SPG11: variants seen among roughly 807,000 people sequenced by gnomAD.
SPG11 encodes the protein SPG11 vesicle trafficking associated, spatacsin, also known as spatacsin.
SPG11 carries 222 observed loss-of-function variants against 274.0 expected under a neutral mutation model. That is an observed-to-expected ratio of 0.81 (90% confidence interval 0.73 to 0.91). The LOEUF (loss-of-function observed/expected upper bound fraction) is 0.91, where lower values mean the gene tolerates loss of function less well. Among genes scored for constraint, SPG11 ranks in the 40% least tolerant of loss-of-function variants. SPG11 has a pLI of 0.00. For missense variants in SPG11, 3,114 were observed against 2,872.7 expected (o/e 1.08, Z -1.92); for synonymous variants, 1,144 against 1,039.7 (o/e 1.10, Z -1.93).
intron 28 of SPG11, among the ~76,000 whole-genome samples, chr15:44,587,939 G>GAATT: frequency 6.6e-6 from 1 of 152,036 alleles, no homozygotes; most frequent in East Asian, 1.9e-4. Context: ...TATGTTAAAA[G>GAATT]GACTTATCAT....
chr15:44,638,655 T>TGTTTTATTTCTTCACCTGGATGGTG (rs2084352788), intron 7 of SPG11, among the ~76,000 whole-genome samples: 1 of 152,130 alleles, frequency 6.6e-6, no homozygotes, highest in Non-Finnish European at 1.5e-5. Context: ...GTGCTTATGA[T>TGTTTTATTTCTTCACCTGGATGGTG]GTTTTATTTC....
intron 8 of SPG11, among the ~76,000 whole-genome samples, chr15:44,631,251 G>A (rs1200224940): frequency 1.3e-5 from 2 of 152,250 alleles, no homozygotes; most frequent in East Asian, 3.9e-4. Flanking sequence ...CAGGAGTTTG[G>A]CTTGGTAAAT....
At chr15:44,647,525 A>G (rs540076347) in intron 7 of SPG11, among the ~76,000 whole-genome samples, 1 of 152,366 alleles carries the variant, frequency 6.6e-6, no homozygotes, top group East Asian at 1.9e-4. Context: ...AATGTCCATC[A>G]GCTGATGAAT....
At position 44,564,681 on chromosome 15, in the gene SPG11, C is replaced by T; in HGVS notation, c.7017G>A (p.Glu2339=). 6.2e-7 allele frequency: 1 copy of T among 1,614,140 alleles called. No individual in the cohort carries two copies. The highest frequency in any genetic ancestry group is 1.6e-4 in the Middle Eastern group (1 of 6,062). ...PRFYQASIVA[E]AYDFVPDWAE... ...CCCAATCTGGAACAAAATCGTAGGCCTCAGCCACAATAGAAGCCTTAAAAG... is the reference window on the plus strand; with the variant it reads ...CCCAATCTGGAACAAAATCGTAGGCTTCAGCCACAATAGAAGCCTTAAAAG... Residue 2339 remains glutamate (E), a synonymous_variant, in exon 39 of 40, where the codon GAG becomes GAA. Transcript: ENST00000261866.
chr15:44,588,539 A>T, intron 28 of SPG11: 1 of 212,000 alleles, frequency 4.7e-6, no homozygotes, highest in Admixed American at 5.5e-5. Context: ...AAAATTATAT[A>T]AGATAGTTAT....
chr15:44,600,433 T>G, intron 21 of SPG11, 34 bp downstream of exon 21: 3 of 1,612,522 alleles, frequency 1.9e-6, no homozygotes, highest in South Asian at 1.1e-5. Flanking sequence ...TGTGAACCAC[T>G]GTACCCAGAC....
chr15:44,575,894 G>C (rs2082525409), intron 30 of SPG11, among the ~76,000 whole-genome samples: 1 of 152,166 alleles, frequency 6.6e-6, no homozygotes, highest in South Asian at 2.1e-4. Flanking sequence ...TATAATCCCA[G>C]CACTTTGGGA....
chr15:44,634,934 G>A (rs2084193611), intron 7 of SPG11, among the ~76,000 whole-genome samples: 1 of 151,850 alleles, frequency 6.6e-6, no homozygotes, highest in South Asian at 2.1e-4. Context: ...TTTTAAGTAT[G>A]ATGGCCAGGT....
chr15:44,595,535 C>A, intron 25 of SPG11, 76 bp from the exon 26 acceptor site: 2 of 1,457,834 alleles, frequency 1.4e-6, no homozygotes, highest in East Asian at 2.3e-5. Context: ...ATGGATATTT[C>A]CTGTTTAGAA....
chr15:44,600,341 G>A, intron 21 of SPG11, 126 bp downstream of exon 21: 2 of 998,276 alleles, frequency 2.0e-6, no homozygotes, highest in Non-Finnish European at 3.2e-6. Context: ...CTAGAGTGCA[G>A]TGGCATGACC....
intron 4 of SPG11, among the ~76,000 whole-genome samples, chr15:44,652,784 A>G (rs1442749968): frequency 6.6e-6 from 1 of 151,912 alleles, no homozygotes; most frequent in African/African-American, 2.4e-5. Flanking sequence ...CCTCCCGAGT[A>G]GCTGGGACTG....
Position 44,610,834 on chromosome 15 carries a change from C to G in SPG11, c.3291+6G>C. ...GTCCTATTTTGTCATAAAGTGCTATCCATACCTGACTGACACCCCCAGGAG... is the reference window on the plus strand; with the variant it reads ...GTCCTATTTTGTCATAAAGTGCTATGCATACCTGACTGACACCCCCAGGAG... On this transcript the variant is annotated splice_donor_region_variant and intron_variant, in intron 18 of 39. Coordinates refer to ENST00000261866, the MANE Select transcript of SPG11 (RefSeq NM_025137.4). The G allele has an allele frequency of 2.5e-6, 4 of 1,613,692 alleles. No individual in the cohort carries two copies. The highest frequency in any genetic ancestry group is 3.4e-6 in the Non-Finnish European group (4 of 1,179,710).
chr15:44,642,710 A>G (rs1048472252), intron 7 of SPG11, among the ~76,000 whole-genome samples: 1 of 149,094 alleles, frequency 6.7e-6, no homozygotes, highest in South Asian at 2.1e-4. Context: ...AAAAAAAAAA[A>G]ATAATAAAAA....
intron 1 of SPG11, among the ~76,000 whole-genome samples, chr15:44,662,912 T>C (rs564474916): frequency 7.2e-5 from 11 of 152,348 alleles, no homozygotes; most frequent in African/African-American, 1.2e-4. Flanking sequence ...AACTGGACTC[T>C]GTCCTTGAAG....
rs552058576 is a variant in SPG11 at position 44,644,808 on chromosome 15, G to T, written c.1602+4058C>A. Among the ~76,000 whole-genome samples, 8 of 152,188 alleles carry T rather than the reference G, an allele frequency of 5.3e-5. No individual in the cohort carries two copies. In the South Asian group the frequency reaches 1.7e-3, roughly 32 times the overall value. On this transcript the variant is annotated intron_variant, in intron 7 of 39. Transcript: ENST00000261866. ...ACATTCAAGCTGGGAGCCTAATAAA[G>T]AATGCAATCCCATTCACAAAAGTCA... is the stretch of plus-strand genomic sequence containing the variant.
intron 11 of SPG11, among the ~76,000 whole-genome samples, chr15:44,623,189 T>C (rs1412251320): frequency 6.6e-6 from 1 of 152,140 alleles, no homozygotes; most frequent in Non-Finnish European, 1.5e-5. Context: ...GCTCAAGTGA[T>C]CCTCCTGCCT....
chr15:44,625,214 GCT>G (rs1174860928), intron 11 of SPG11, among the ~76,000 whole-genome samples: 1 of 151,328 alleles, frequency 6.6e-6, no homozygotes, highest in Non-Finnish European at 1.5e-5. Flanking sequence ...ACAGGGTCTT[GCT>G]CTGTTACCAG....
At chr15:44,636,967 A>C (rs1046782883) in intron 7 of SPG11, among the ~76,000 whole-genome samples, 5 of 147,360 alleles carry the variant, frequency 3.4e-5, no homozygotes, top group Non-Finnish European at 4.5e-5. Flanking sequence ...ACAAAAAAAA[A>C]ACACAAATGT....
chr15:44,613,544 TA>T lies in SPG11; in HGVS notation c.3039-9del, dbSNP rs762991393. ...CAATTTTCAGGACTAAGTCTGTATATAAAACAAACAAAAACCTTCTTTGATT... is the reference window on the plus strand; with the variant it reads ...CAATTTTCAGGACTAAGTCTGTATATAAACAAACAAAAACCTTCTTTGATT... On this transcript the variant is annotated splice_polypyrimidine_tract_variant and intron_variant, in intron 16 of 39. Transcript: ENST00000261866. 1.3e-6 allele frequency: 2 copies of T among 1,580,248 alleles called. No individual in the cohort carries two copies. Among genetic ancestry groups the T allele is most frequent in the South Asian group, 1.1e-5 (1 of 90,344 alleles).
Sources: allele counts gnomAD v4.1 joint callset (sites outside exome capture counted in the v4.1 genomes callset), GRCh38; gene constraint gnomAD v4.1.1; transcripts MANE v1.5; gene names NCBI Gene and HGNC (gene_info 2026-07-23, HGNC 2026-07-21).